Variants in CNTN5 observed in about 807,000 individuals in gnomAD.
CNTN5 encodes the protein contactin-5.
In CNTN5, 77 loss-of-function variants were observed where a neutral mutation model predicts 129.1. That is an observed-to-expected ratio of 0.60 (90% CI 0.50 to 0.72). The LOEUF (loss-of-function observed/expected upper bound fraction) is 0.72. CNTN5 is among the 30% of genes least tolerant of loss of function. The probability of loss-of-function intolerance (pLI) is 0.00; values close to 1 mark genes in which losing one functional copy is unlikely to be tolerated. For missense variants in CNTN5, 1,478 were observed against 1,328.8 expected, an observed-to-expected ratio of 1.11 and a Z score of -1.75; for synonymous variants, 509 against 465.6, an observed-to-expected ratio of 1.09 and a Z score of -1.20.
intron 1 of CNTN5, among the ~76,000 whole-genome samples, chr11:99,241,324 T>TC (rs1861547024): frequency 6.7e-6 from 1 of 148,540 alleles, no homozygotes; most frequent in Non-Finnish European, 1.5e-5. Context: ...GTTGGTTTTT[T>TC]TTTTTTTTTT....
intron 2 of CNTN5, among the ~76,000 whole-genome samples, chr11:99,494,530 C>A (rs1391744256): frequency 2.0e-5 from 3 of 151,960 alleles, no homozygotes; most frequent in Non-Finnish European, 4.4e-5. Flanking sequence ...GTAATGGGGT[C>A]CAGGAAGCTG....
intron 2 of CNTN5, among the ~76,000 whole-genome samples, chr11:99,516,400 C>T (rs1947054066): frequency 6.6e-6 from 1 of 152,008 alleles, no homozygotes; most frequent in South Asian, 2.1e-4. Flanking sequence ...AAACGAACTC[C>T]ATATAGACTA....
At chr11:100,318,104 G>A (rs1038531526) in intron 21 of CNTN5, among the ~76,000 whole-genome samples, 2 of 151,846 alleles carry the variant, frequency 1.3e-5, no homozygotes, top group Admixed American at 6.6e-5. Context: ...AGCCGGGCGC[G>A]GTGGTGGGCG....
chr11:100,201,256 C>T (rs59531964), intron 15 of CNTN5, among the ~76,000 whole-genome samples: 4,745 of 151,942 alleles, frequency 0.031, 240 homozygotes, highest in African/African-American at 0.11. Context: ...TATTGATTAT[C>T]CTGTAATTGT....
intron 1 of CNTN5, among the ~76,000 whole-genome samples, chr11:99,307,243 G>A (rs907488076): frequency 1.3e-5 from 2 of 152,072 alleles, no homozygotes; most frequent in Admixed American, 6.6e-5. Flanking sequence ...GGATTAATTC[G>A]TTCAAGTTAA....
intron 8 of CNTN5, among the ~76,000 whole-genome samples, chr11:99,970,897 A>G (rs947136009): frequency 1.3e-5 from 2 of 152,164 alleles, no homozygotes; most frequent in Non-Finnish European, 2.9e-5. Context: ...CCTTCCTCAC[A>G]GTTTTCTGAC....
chr11:100,045,929 C>CT (rs1283432921), intron 9 of CNTN5, among the ~76,000 whole-genome samples: 4 of 152,020 alleles, frequency 2.6e-5, no homozygotes, highest in Admixed American at 2.6e-4. Context: ...ACATCAAACA[C>CT]TTTTTTTCCT....
chr11:99,453,791 GGAATGAC>G (rs1944396927), intron 2 of CNTN5, among the ~76,000 whole-genome samples: 1 of 152,100 alleles, frequency 6.6e-6, no homozygotes, highest in Middle Eastern at 3.2e-3. Context: ...ATGTGCAAAG[GGAATGAC>G]TGCCTTCGAT....
intron 23 of CNTN5, among the ~76,000 whole-genome samples, chr11:100,345,053 G>T (rs1362471399): frequency 1.3e-5 from 2 of 152,074 alleles, no homozygotes; most frequent in East Asian, 3.9e-4. Context: ...TGACATTTGA[G>T]CTCCCCATTG....
In CNTN5 at chr11:99,796,344, A is replaced by G. The variant is rs150405465; in HGVS notation, c.56-23200A>G. 1.2e-4 allele frequency among the ~76,000 whole-genome samples: 19 copies of G among 152,074 alleles called. 1 individual carries two copies. The East Asian group carries it at 2.9e-3, about 23-fold the overall frequency. On this transcript the variant is annotated intron_variant, in intron 3 of 24. Transcript: ENST00000524871. ...GGAGTGCATACACACATGTACATCCATTGGGGAGGGGAGGTGATGTCCACC... is the reference window on the plus strand; with the variant it reads ...GGAGTGCATACACACATGTACATCCGTTGGGGAGGGGAGGTGATGTCCACC...
intron 13 of CNTN5, among the ~76,000 whole-genome samples, chr11:100,092,160 C>CT (rs1232583388): frequency 2.0e-5 from 3 of 152,018 alleles, no homozygotes; most frequent in African/African-American, 7.2e-5. Flanking sequence ...GGTCAGTTCC[C>CT]TTTGTTTATT....
intron 4 of CNTN5, among the ~76,000 whole-genome samples, chr11:99,821,907 G>A (rs1946813930): frequency 6.6e-6 from 1 of 152,102 alleles, no homozygotes; most frequent in Non-Finnish European, 1.5e-5. Flanking sequence ...ATATTTTAGA[G>A]TATAAGGAAG....
At chr11:100,339,653 A>G (rs1019982746) in intron 21 of CNTN5, among the ~76,000 whole-genome samples, 1 of 152,180 alleles carries the variant, frequency 6.6e-6, no homozygotes, top group Non-Finnish European at 1.5e-5. Context: ...CTGGGGACCC[A>G]TTTCTGTCTG....
intron 2 of CNTN5, among the ~76,000 whole-genome samples, chr11:99,416,905 TACTC>T (rs1456950857): frequency 6.6e-6 from 1 of 152,158 alleles, no homozygotes; most frequent in African/African-American, 2.4e-5. Flanking sequence ...TGTTGTTACT[TACTC>T]ATATCAGGAC....
At chr11:99,262,786 A>C (rs1862703211) in intron 1 of CNTN5, among the ~76,000 whole-genome samples, 1 of 152,000 alleles carries the variant, frequency 6.6e-6, no homozygotes, top group Admixed American at 6.6e-5. Context: ...TATTTAAAAT[A>C]TTTATGCATT....
chr11:99,142,411 G>A (rs1009406638), intron 1 of CNTN5, among the ~76,000 whole-genome samples: 1 of 152,072 alleles, frequency 6.6e-6, no homozygotes, highest in East Asian at 1.9e-4. Flanking sequence ...AGGCAGGTGC[G>A]CACCAATGGA....
chr11:99,331,812 C>A (rs1412475333), intron 2 of CNTN5, among the ~76,000 whole-genome samples: 1 of 152,074 alleles, frequency 6.6e-6, no homozygotes, highest in African/African-American at 2.4e-5. Context: ...TTGGGTTTAG[C>A]CATGTGACCT....
At chr11:99,362,958 C>T (rs1038486269) in intron 2 of CNTN5, among the ~76,000 whole-genome samples, 1 of 151,836 alleles carries the variant, frequency 6.6e-6, no homozygotes, top group African/African-American at 2.4e-5. Context: ...ATGAGTCTTC[C>T]AACTTTATTT....
At chr11:99,613,843 T>G (rs1275295396) in intron 3 of CNTN5, among the ~76,000 whole-genome samples, 2 of 152,206 alleles carry the variant, frequency 1.3e-5, no homozygotes, top group Non-Finnish European at 2.9e-5. Flanking sequence ...CAAATATATT[T>G]TAGAATAAAT....
Sources: gnomAD v4.1 joint callset for allele counts (sites outside exome capture counted in the v4.1 genomes callset) on GRCh38, gnomAD v4.1.1 for gene constraint, MANE v1.5 for transcripts, NCBI Gene and HGNC (gene_info 2026-07-23, HGNC 2026-07-21) for gene names.